Variants in AHI1 observed in about 807,000 individuals in gnomAD.
AHI1 encodes Abelson helper integration site 1.
Under a neutral mutation model 149.3 loss-of-function variants are expected in AHI1, and 123 were observed. The ratio of observed to expected loss-of-function variants is 0.82; its 90% confidence interval spans 0.71 to 0.96. AHI1 has a LOEUF of 0.96. Among genes scored for constraint, AHI1 ranks in the 40% least tolerant of loss-of-function variants. The pLI is 0.00. For synonymous variants in AHI1, 475 were observed against 459.8 expected, an observed-to-expected ratio of 1.03 and a Z score of -0.42; for missense variants, 1,439 against 1,422.7, an observed-to-expected ratio of 1.01 and a Z score of -0.18.
rs2128143572 is a variant in AHI1 at position 135,497,705 on chromosome 6, A to C, written c.-324T>G. 5.9e-6 allele frequency: 1 copy of C among 169,138 alleles called. No individual in the cohort carries two copies. The highest frequency in any genetic ancestry group is 1.3e-5 in the Non-Finnish European group (1 of 76,180). The allele number at this position is 169,138 out of a possible 1,614,324, so 10.5% of individuals were successfully genotyped here. The stretch of plus-strand genomic sequence containing the variant: ...CGGCCACGCAGCCACCTAACCCGCC[A>C]GCGACCCGTGTCCTGAAAGCAAGCC... On this transcript the variant is annotated 5_prime_UTR_variant, in exon 1 of 29. Coordinates refer to ENST00000265602, the MANE Select transcript of AHI1 (RefSeq NM_001134831.2).
chr6:135,411,351 G>C lies in AHI1; in HGVS notation c.2958C>G (p.Val986=). ...CAACTGCATAAAATAAACTTACTGT[G>C]ACAGTTTCAAGCCTCTGTTTTACTA... is the stretch of plus-strand genomic sequence containing the variant. ...MQLVKQRLET[V]TEVIRSCAAK... Residue 986 remains valine (V), a synonymous_variant, in exon 21 of 29, where the codon GTC becomes GTG. Transcript: ENST00000265602. The C allele has an allele frequency of 6.2e-7, 1 of 1,606,916 alleles. No individual in the cohort carries two copies. Among genetic ancestry groups the C allele is most frequent in the East Asian group, 2.2e-5 (1 of 44,854 alleles).
intron 23 of AHI1, chr6:135,394,542 T>C (rs1215125708): frequency 4.1e-6 from 2 of 489,036 alleles, no homozygotes; most frequent in South Asian, 2.2e-5. Context: ...TTGCTAGTTT[T>C]AAATTATTAT....
chr6:135,458,440 G>C (rs1457387071), intron 8 of AHI1, among the ~76,000 whole-genome samples: 1 of 152,212 alleles, frequency 6.6e-6, no homozygotes, highest in African/African-American at 2.4e-5. Flanking sequence ...ATGCTACAGA[G>C]AAGCTAGAGA....
At chr6:135,293,414 AAAAAAAAAAAG>A (rs1562444531) in intron 27 of AHI1, among the ~76,000 whole-genome samples, 1 of 146,158 alleles carries the variant, frequency 6.8e-6, no homozygotes, top group African/African-American at 2.5e-5. Context: ...AAGAAAAAAA[AAAAAAAAAAAG>A]AAAAAAAGAA....
At chr6:135,424,781 T>G (rs1783702822) in intron 20 of AHI1, among the ~76,000 whole-genome samples, 1 of 151,882 alleles carries the variant, frequency 6.6e-6, no homozygotes, top group Admixed American at 6.6e-5. Flanking sequence ...TAAAAAAAAA[T>G]AAGCTTGCTC....
At position 135,353,150 on chromosome 6, in the gene AHI1, T is replaced by C. The variant is rs932912635; in HGVS notation, c.3165+4982A>G. ...AAACTGATGTGCTTATACTTAAACA[T>C]GTTATATTACGGAAGACTACAAGTG... On this transcript the variant is annotated intron_variant, in intron 24 of 28. Transcript: ENST00000265602. 1.6e-4 allele frequency among the ~76,000 whole-genome samples: 25 copies of C among 152,108 alleles called. 1 individual carries two copies. The highest frequency in any genetic ancestry group is 1.4e-3 in the Admixed American group (21 of 15,266).
chr6:135,371,662 T>A (rs572094144), intron 23 of AHI1, among the ~76,000 whole-genome samples: 1 of 152,344 alleles, frequency 6.6e-6, no homozygotes, highest in African/African-American at 2.4e-5. Flanking sequence ...ACATCCTTTC[T>A]ACTCTAGAGA....
At position 135,466,317 on chromosome 6, in the gene AHI1, T is replaced by C. The variant is rs758205085; in HGVS notation, c.246A>G (p.Val82=). 1.9e-6 allele frequency: 3 copies of C among 1,613,830 alleles called. No individual in the cohort carries two copies. Among genetic ancestry groups the C allele is most frequent in the African/African-American group, 2.7e-5 (2 of 74,942 alleles). The change falls in exon 7 of 29, where the codon GTA becomes GTG. Residue 82 remains valine (V), a synonymous_variant. Transcript: ENST00000265602. ...TCAGGTTGTTAGTGTTAGCAGCACT[T>C]ACATCATCACTTGTAGTTTCTTTAA... is the stretch of plus-strand genomic sequence containing the variant. ...PHIKETTSDD[V]SAANTNNLKK...
intron 23 of AHI1, among the ~76,000 whole-genome samples, chr6:135,373,690 C>T (rs1039560103): frequency 3.3e-5 from 5 of 152,006 alleles, no homozygotes; most frequent in East Asian, 3.9e-4. Flanking sequence ...CTCAGGACTA[C>T]GATCAAAGAA....
intron 24 of AHI1, among the ~76,000 whole-genome samples, chr6:135,327,142 C>T (rs925486057): frequency 6.6e-6 from 1 of 152,162 alleles, no homozygotes; most frequent in African/African-American, 2.4e-5. Flanking sequence ...TAAATTTCTG[C>T]AAAACCACCC....
At chr6:135,490,244 C>A in intron 5 of AHI1, 1 of 721,584 alleles carries the variant, frequency 1.4e-6, no homozygotes, top group Non-Finnish European at 2.6e-6. Flanking sequence ...TAGAATCACA[C>A]AGAAATAGTT....
At chr6:135,485,002 T>C (rs1051717522) in intron 5 of AHI1, among the ~76,000 whole-genome samples, 1 of 152,150 alleles carries the variant, frequency 6.6e-6, no homozygotes, top group African/African-American at 2.4e-5. Context: ...TTTTAGTTTG[T>C]GAGATAAAAT....
In AHI1 at chr6:135,431,287, G is replaced by A. The variant is rs200017073; in HGVS notation, c.2294C>T (p.Thr765Ile). The change falls in exon 17 of 29, where the codon ACA becomes ATA. Residue 765 changes from threonine to isoleucine, a missense_variant. Physicochemically the swap from Thr to Ile is moderately conservative, Grantham distance 89. Transcript: ENST00000265602. The stretch of plus-strand genomic sequence containing the variant: ...GGTATTCCAAACAACAATCACCCCT[G>A]TACAATCTCCTGAATACATATGATG... The part of the protein sequence containing the change: ...EGHHMYSGDC[T>I]GVIVVWNTYV... The A allele has an allele frequency of 1.2e-4, 186 of 1,606,318 alleles. No individual in the cohort carries two copies. The highest frequency in any genetic ancestry group is 1.2e-4 in the Non-Finnish European group (137 of 1,175,208).
At chr6:135,310,697 G>C (rs1399314844) in intron 26 of AHI1, among the ~76,000 whole-genome samples, 2 of 152,100 alleles carry the variant, frequency 1.3e-5, no homozygotes, top group African/African-American at 4.8e-5. Context: ...TATTCATTTA[G>C]TGAATTTTTA....
intron 23 of AHI1, among the ~76,000 whole-genome samples, chr6:135,391,014 T>C (rs892336912): frequency 9.9e-5 from 15 of 152,210 alleles, no homozygotes; most frequent in Non-Finnish European, 1.9e-4. Flanking sequence ...GTAATTTTTT[T>C]CTTCTAAAAA....
At chr6:135,370,667 T>C (rs1774915515) in intron 23 of AHI1, among the ~76,000 whole-genome samples, 1 of 152,262 alleles carries the variant, frequency 6.6e-6, no homozygotes, top group Admixed American at 6.5e-5. Context: ...TAGAATTCTC[T>C]GTGACCACAT....
At chr6:135,399,126 T>C (rs1042848871) in intron 22 of AHI1, among the ~76,000 whole-genome samples, 2 of 152,166 alleles carry the variant, frequency 1.3e-5, no homozygotes, top group African/African-American at 4.8e-5. Context: ...CGAGGCTGCA[T>C]TGAGCTGTGA....
chr6:135,357,643 AAT>A (rs1582793648), intron 24 of AHI1, among the ~76,000 whole-genome samples: 2 of 152,368 alleles, frequency 1.3e-5, no homozygotes, highest in East Asian at 1.9e-4. Context: ...ACTAGCAACT[AAT>A]ATATGTTTCA....
intron 24 of AHI1, among the ~76,000 whole-genome samples, chr6:135,329,093 G>A (rs758060129): frequency 6.6e-5 from 10 of 152,194 alleles, no homozygotes; most frequent in Admixed American, 2.0e-4. Context: ...AGCCATCTCC[G>A]TAACATAAAA....
Sources: gnomAD v4.1 joint callset for allele counts (sites outside exome capture counted in the v4.1 genomes callset) on GRCh38, gnomAD v4.1.1 for gene constraint, MANE v1.5 for transcripts, NCBI Gene and HGNC (gene_info 2026-07-23, HGNC 2026-07-21) for gene names.